Variants in TANC1 observed in about 807,000 individuals in gnomAD.
TANC1 encodes the protein protein TANC1.
A neutral mutation model predicts 149.7 loss-of-function variants in TANC1; 77 were observed. The observed-to-expected ratio is 0.51, with a 90% CI of 0.43 to 0.62. The LOEUF is 0.62. Ranked by LOEUF, TANC1 falls within the 20% of genes least tolerant of loss-of-function variation. The pLI is 0.00. For synonymous variants in TANC1, 854 were observed against 925.0 expected (o/e 0.92, Z 1.39); for missense variants, 1,985 against 2,321.8 (o/e 0.85, Z 2.98).
At chr2:159,091,808 C>A (rs1483236066) in intron 3 of TANC1, among the ~76,000 whole-genome samples, 2 of 152,094 alleles carry the variant, frequency 1.3e-5, no homozygotes, top group Non-Finnish European at 2.9e-5. Flanking sequence ...AAATTGTTTT[C>A]TTGGATGCAT....
At chr2:159,047,205 G>A (rs1369087467) in intron 2 of TANC1, among the ~76,000 whole-genome samples, 1 of 141,790 alleles carries the variant, frequency 7.1e-6, no homozygotes, top group Non-Finnish European at 1.5e-5. Flanking sequence ...CCCAGTTATT[G>A]CCTGCTTCCT....
intron 19 of TANC1, among the ~76,000 whole-genome samples, chr2:159,205,309 G>A (rs971759711): frequency 1.3e-5 from 2 of 152,164 alleles, no homozygotes; most frequent in South Asian, 2.1e-4. Flanking sequence ...AAAATGACCC[G>A]TTCTTCATTT....
At chr2:159,057,051 G>A (rs1486665043) in intron 2 of TANC1, among the ~76,000 whole-genome samples, 1 of 152,166 alleles carries the variant, frequency 6.6e-6, no homozygotes, top group Non-Finnish European at 1.5e-5. Context: ...TTATGGCCTG[G>A]TCTGCAGCCT....
At chr2:159,002,608 C>T (rs2036717007) in intron 2 of TANC1, among the ~76,000 whole-genome samples, 2 of 152,160 alleles carry the variant, frequency 1.3e-5, no homozygotes, top group African/African-American at 4.8e-5. Flanking sequence ...TATTTGTGAT[C>T]CTCTGGGTGC....
At chr2:159,058,906 G>A (rs1559182264) in intron 2 of TANC1, among the ~76,000 whole-genome samples, 1 of 152,290 alleles carries the variant, frequency 6.6e-6, no homozygotes, top group East Asian at 1.9e-4. Context: ...ATAGGTGGAA[G>A]GTGATTTCAC....
At chr2:159,224,605 G>A in intron 23 of TANC1, 1 of 473,592 alleles carries the variant, frequency 2.1e-6, no homozygotes, top group Non-Finnish European at 3.8e-6. Context: ...AGTGGTATCA[G>A]TGGCCAGGAA....
At chr2:159,118,161 C>T (rs2048483109) in intron 4 of TANC1, among the ~76,000 whole-genome samples, 1 of 152,152 alleles carries the variant, frequency 6.6e-6, no homozygotes, top group Non-Finnish European at 1.5e-5. Context: ...ACCTGGCCAA[C>T]GTAGTGGGTG....
At chr2:159,060,096 G>C (rs1211261192) in intron 2 of TANC1, 3 of 977,212 alleles carry the variant, frequency 3.1e-6, no homozygotes, top group African/African-American at 1.8e-5. Flanking sequence ...TATACAGAAG[G>C]CATGACTGTT....
At chr2:158,995,528 G>A (rs776043415) in intron 1 of TANC1, among the ~76,000 whole-genome samples, 6 of 151,952 alleles carry the variant, frequency 3.9e-5, no homozygotes, top group Admixed American at 6.6e-5. Flanking sequence ...ACCCGAGGGC[G>A]GGACTCTTGG....
intron 2 of TANC1, among the ~76,000 whole-genome samples, chr2:159,023,162 T>G (rs961982343): frequency 6.6e-6 from 1 of 152,114 alleles, no homozygotes; most frequent in Non-Finnish European, 1.5e-5. Flanking sequence ...TCAGTAACCC[T>G]ACATTGCTTT....
intron 4 of TANC1, among the ~76,000 whole-genome samples, chr2:159,121,851 G>A (rs572171406): frequency 1.3e-5 from 2 of 152,182 alleles, no homozygotes; most frequent in East Asian, 1.9e-4. Context: ...AGATACTGTC[G>A]GAGGGTCTGC....
At chr2:159,016,390 G>A (rs1196555653) in intron 2 of TANC1, among the ~76,000 whole-genome samples, 2 of 152,098 alleles carry the variant, frequency 1.3e-5, no homozygotes, top group African/African-American at 4.8e-5. Flanking sequence ...ACAATTCAAG[G>A]TGAGATTTGG....
chr2:158,988,925 G>T (rs1011757875), intron 1 of TANC1, among the ~76,000 whole-genome samples: 2 of 152,058 alleles, frequency 1.3e-5, no homozygotes, highest in Non-Finnish European at 2.9e-5. Flanking sequence ...TTCCTGGGGC[G>T]ACTGTATCTG....
At chr2:159,209,513 CT>C (rs2058846291) in intron 19 of TANC1, among the ~76,000 whole-genome samples, 1 of 152,144 alleles carries the variant, frequency 6.6e-6, no homozygotes, top group Non-Finnish European at 1.5e-5. Context: ...GGAAAGGTTG[CT>C]GCTTTCAGCC....
Position 159,097,819 on chromosome 2 carries a change from A to T in TANC1, c.244A>T (p.Asn82Tyr). The change falls in exon 4 of 27, where the codon AAC becomes TAC. Residue 82 changes from asparagine (N) to tyrosine (Y), a missense_variant. Transcript: ENST00000263635. ...RQSHLVQSRV[N>Y]KKSPGPVRKP... ...GTCTCACTTGGTGCAATCAAGAGTG[A>T]ACAAAAAATCCCCAGGTAAACAGGC... 1 of 1,612,144 alleles carries T rather than the reference A, an allele frequency of 6.2e-7. No individual in the cohort carries two copies. The highest frequency in any genetic ancestry group is 8.5e-7 in the Non-Finnish European group (1 of 1,178,588).
rs181755982 is a variant in TANC1, at chr2:159,051,155, C to T, written c.-15-14741C>T. 2.6e-5 allele frequency among the ~76,000 whole-genome samples: 4 copies of T among 152,282 alleles called. 1 individual carries two copies. In the Middle Eastern group the frequency reaches 0.01, roughly 388 times the overall value. ...CAAGAAACATGTGTCTTGTTTTCCA[C>T]TGGGTTCTAATTGGGCTGTTTTTCC... On this transcript the variant is annotated intron_variant, in intron 2 of 26. Transcript: ENST00000263635.
intron 18 of TANC1, 75 bp from the exon 19 acceptor site, chr2:159,198,900 C>T (rs569365019): frequency 2.1e-5 from 21 of 1,003,316 alleles, no homozygotes; most frequent in Middle Eastern, 2.1e-4. Flanking sequence ...AACACACTGT[C>T]TCCTTTGATA....
chr2:159,143,470 A>AATT (rs2051666594), intron 5 of TANC1, among the ~76,000 whole-genome samples: 2 of 141,254 alleles, frequency 1.4e-5, no homozygotes, highest in South Asian at 4.6e-4. Context: ...TGTTTCCAGC[A>AATT]CTTGGGGAGG....
intron 2 of TANC1, among the ~76,000 whole-genome samples, chr2:159,021,173 T>A (rs1161909824): frequency 6.6e-6 from 1 of 152,164 alleles, no homozygotes; most frequent in East Asian, 1.9e-4. Flanking sequence ...GATCATCTTA[T>A]AGATAATACA....
Sources: allele counts gnomAD v4.1 joint callset (sites outside exome capture counted in the v4.1 genomes callset), GRCh38; gene constraint gnomAD v4.1.1; transcripts MANE v1.5; gene names NCBI Gene and HGNC (gene_info 2026-07-23, HGNC 2026-07-21).